Variants in SCAPER observed in about 807,000 individuals in gnomAD.
SCAPER encodes the protein S-phase cyclin A associated protein in the ER, also known as S phase cyclin A-associated protein in the endoplasmic reticulum.
A neutral mutation model predicts 182.2 loss-of-function variants in SCAPER; 98 were observed. That is an observed-to-expected ratio of 0.54 (90% CI 0.46 to 0.64). The LOEUF is 0.64. Among genes scored for constraint, SCAPER ranks in the 30% least tolerant of loss-of-function variants. The probability of loss-of-function intolerance (pLI) is 0.00; values close to 1 mark genes in which losing one functional copy is unlikely to be tolerated. For synonymous variants in SCAPER, 605 were observed against 564.6 expected (o/e 1.07, Z -1.01); for missense variants, 1,432 against 1,690.0 (o/e 0.85, Z 2.68).
chr15:76,483,426 T>C (rs991982206), intron 24 of SCAPER, among the ~76,000 whole-genome samples: 4 of 151,944 alleles, frequency 2.6e-5, no homozygotes, highest in Admixed American at 2.6e-4. Context: ...AAACTCAAAA[T>C]GATCCTGAGT....
At position 76,708,591 on chromosome 15, in the gene SCAPER, A is replaced by T. The variant is rs952565630; in HGVS notation, c.2166-2607T>A. ...AAGAAGGCAAAGCTAATCAAACCCAAAGTAAGCAGAAGGAAATAAATGATA... is the reference window on the plus strand; with the variant it reads ...AAGAAGGCAAAGCTAATCAAACCCATAGTAAGCAGAAGGAAATAAATGATA... On this transcript the variant is annotated intron_variant, in intron 17 of 31. Coordinates refer to ENST00000563290, the MANE Select transcript of SCAPER (RefSeq NM_020843.4). Among the ~76,000 whole-genome samples, 29 of 152,124 alleles carry T rather than the reference A, an allele frequency of 1.9e-4. 1 individual carries two copies. Among genetic ancestry groups the T allele is most frequent in the African/African-American group, 7.0e-4 (29 of 41,454 alleles).
intron 23 of SCAPER, among the ~76,000 whole-genome samples, chr15:76,567,700 T>C (rs755673037): frequency 6.6e-6 from 1 of 152,228 alleles, no homozygotes; most frequent in Non-Finnish European, 1.5e-5. Flanking sequence ...TCTTGACCAT[T>C]ATCCTACTGG....
intron 17 of SCAPER, among the ~76,000 whole-genome samples, chr15:76,709,847 A>C (rs867950123): frequency 8.5e-5 from 13 of 152,232 alleles, no homozygotes; most frequent in African/African-American, 2.7e-4. Flanking sequence ...TAACCCAAGA[A>C]TGCAAGGTTA....
chr15:76,898,806 T>A (rs1409218024), intron 1 of SCAPER, among the ~76,000 whole-genome samples: 1 of 152,220 alleles, frequency 6.6e-6, no homozygotes, highest in Non-Finnish European at 1.5e-5. Context: ...GGTTTCATAT[T>A]GGGATACTGA....
At chr15:76,611,912 C>G (rs1028849151) in intron 22 of SCAPER, among the ~76,000 whole-genome samples, 6 of 152,098 alleles carry the variant, frequency 3.9e-5, no homozygotes, top group African/African-American at 1.4e-4. Context: ...GTTAAAAACT[C>G]TCAATAAACT....
chr15:76,397,573 C>A (rs892400810), intron 27 of SCAPER, among the ~76,000 whole-genome samples: 6 of 151,162 alleles, frequency 4.0e-5, no homozygotes, highest in Non-Finnish European at 8.8e-5. Flanking sequence ...CTCCACCTCC[C>A]AGGTTCAAGC....
chr15:76,371,449 T>G (rs1409460827), intron 29 of SCAPER, among the ~76,000 whole-genome samples: 2 of 151,802 alleles, frequency 1.3e-5, no homozygotes, highest in Non-Finnish European at 2.9e-5. Flanking sequence ...CCTTCCCAGT[T>G]GCTGGGATTA....
intron 25 of SCAPER, among the ~76,000 whole-genome samples, chr15:76,458,343 G>T (rs146759256): frequency 1.1e-3 from 172 of 151,798 alleles, no homozygotes; most frequent in South Asian, 2.7e-3. Flanking sequence ...ATCATATATA[G>T]AGAGAGAATA....
intron 26 of SCAPER, among the ~76,000 whole-genome samples, chr15:76,424,107 G>A (rs2046248087): frequency 6.6e-6 from 1 of 152,196 alleles, no homozygotes; most frequent in Non-Finnish European, 1.5e-5. Flanking sequence ...TTGATTTGGG[G>A]TGGAGAGTTC....
chr15:76,539,270 T>G (rs2044498709), intron 23 of SCAPER, among the ~76,000 whole-genome samples: 1 of 152,156 alleles, frequency 6.6e-6, no homozygotes, highest in South Asian at 2.1e-4. Flanking sequence ...CAAAGTGGAA[T>G]TTGTAGACAA....
chr15:76,545,098 T>A (rs1211741780), intron 23 of SCAPER, among the ~76,000 whole-genome samples: 1 of 152,184 alleles, frequency 6.6e-6, no homozygotes, highest in African/African-American at 2.4e-5. Context: ...AAACCTTCAA[T>A]GGGGGCCAAT....
At chr15:76,717,830 T>C (rs527795207) in intron 17 of SCAPER, among the ~76,000 whole-genome samples, 10 of 152,094 alleles carry the variant, frequency 6.6e-5, no homozygotes, top group African/African-American at 2.4e-4. Context: ...GAGAAATAGA[T>C]AGCAATATAA....
At position 76,765,047 on chromosome 15, in the gene SCAPER, G is replaced by C; in HGVS notation, c.1639C>G (p.His547Asp). ...KRTIAESKKK[H>D]EEKQMKAQQL... The stretch of plus-strand genomic sequence containing the variant: ...TGTGCTTTCATTTGTTTTTCTTCAT[G>C]TTTCTTCTTAGATTCTGCAATTGTT... The change falls in exon 14 of 32, where the codon CAT (histidine) becomes GAT (aspartate). Residue 547 changes from histidine to aspartate, a missense_variant. Transcript: ENST00000563290. 6.3e-7 allele frequency: 1 copy of C among 1,591,474 alleles called. No homozygotes were observed. Among genetic ancestry groups the C allele is most frequent in the Non-Finnish European group, 8.6e-7 (1 of 1,168,928 alleles).
chr15:76,837,502 A>T (rs1011763253), intron 5 of SCAPER, among the ~76,000 whole-genome samples: 6 of 152,206 alleles, frequency 3.9e-5, no homozygotes, highest in Admixed American at 3.9e-4. Flanking sequence ...AAACCATCAG[A>T]TATCATGAGA....
chr15:76,762,637 C>G (rs569567284), intron 14 of SCAPER, among the ~76,000 whole-genome samples: 6 of 151,956 alleles, frequency 3.9e-5, no homozygotes, highest in South Asian at 4.2e-4. Context: ...ACCTTTTTGT[C>G]TTTTAAGTCC....
intron 4 of SCAPER, among the ~76,000 whole-genome samples, chr15:76,846,930 C>A (rs974882926): frequency 4.6e-5 from 7 of 151,900 alleles, no homozygotes; most frequent in African/African-American, 1.7e-4. Context: ...CTGTTCAAAA[C>A]AGCCAAGATT....
chr15:76,572,909 T>TCACA (rs1441837995), intron 23 of SCAPER, among the ~76,000 whole-genome samples: 1,096 of 52,140 alleles, frequency 0.021, 8 homozygotes, highest in African/African-American at 0.046. Flanking sequence ...TCTCTCTCTC[T>TCACA]CTCTCTCTCT....
In SCAPER at chr15:76,869,197, T is replaced by C. The variant is rs561211398; in HGVS notation, c.7-6664A>G. Among the ~76,000 whole-genome samples the C allele has an allele frequency of 2.0e-5, 3 of 152,254 alleles. No individual in the cohort carries two copies. In the East Asian group the frequency reaches 5.8e-4, roughly 29 times the overall value. ...ACTTAAAAGAAATGCTCCAGGATAT[T>C]TGTCTGGGTAAAGAATTTTTGTGTA... On this transcript the variant is annotated intron_variant, in intron 2 of 31. Transcript: ENST00000563290.
rs1459394698 is a variant in SCAPER, at chr15:76,600,442, T to A, written c.2711+21322A>T. Among the ~76,000 whole-genome samples, 2 of 32,006 alleles carry A rather than the reference T, an allele frequency of 6.2e-5. 1 individual carries two copies. The highest frequency in any genetic ancestry group is 1.5e-4 in the African/African-American group (2 of 13,570). The allele number at this position is 32,006 out of a possible 152,430, so 21.0% of individuals were successfully genotyped here. ...GTGTGTGTGTGTGTATACATATACA[T>A]ATATATATATATTTTTTTTTTTTTG... On this transcript the variant is annotated intron_variant, in intron 22 of 31. Transcript: ENST00000563290.
Sources: gnomAD v4.1 joint callset for allele counts (sites outside exome capture counted in the v4.1 genomes callset) on GRCh38, gnomAD v4.1.1 for gene constraint, MANE v1.5 for transcripts, NCBI Gene and HGNC (gene_info 2026-07-23, HGNC 2026-07-21) for gene names.